Variants in EXD3 observed in about 807,000 individuals in gnomAD.
EXD3 encodes exonuclease mut-7 homolog.
A neutral mutation model predicts 98.0 loss-of-function variants in EXD3; 92 were observed. That is an observed-to-expected ratio of 0.94 (90% CI 0.79 to 1.12). The LOEUF is 1.12. EXD3 is among the 50% of genes most tolerant of loss of function. EXD3 has a pLI of 0.00. For synonymous variants in EXD3, 569 were observed against 526.0 expected (o/e 1.08, Z -1.12); for missense variants, 1,222 against 1,191.6 (o/e 1.03, Z -0.38).
chr9:137,351,357 C>T lies in EXD3; in HGVS notation c.1345G>A (p.Val449Met), dbSNP rs562865667. Reference sequence around the variant, plus strand: ...GAGGGGTCCGAGAGGAGCTGGGCCACCAGCCGGGAAAAGGCCTGGGCTCCC... The same window carrying T: ...GAGGGGTCCGAGAGGAGCTGGGCCATCAGCCGGGAAAAGGCCTGGGCTCCC... ...GQGAQAFSRL[V>M]AQLLSDPSIT... The change falls in exon 13 of 22, where the codon GTG (valine) becomes ATG (methionine). Residue 449 changes from valine (V) to methionine (M), a missense_variant. Val to Met is a conservative substitution (Grantham distance 21). Transcript: ENST00000340951. 1.2e-6 allele frequency: 2 copies of T among 1,611,986 alleles called. No homozygotes were observed. Among genetic ancestry groups the T allele is most frequent in the African/African-American group, 2.7e-5 (2 of 75,048 alleles).
At chr9:137,351,583 AC>A in intron 12 of EXD3, 55 bp from the exon 13 acceptor site, 1 of 1,509,024 alleles carries the variant, frequency 6.6e-7, no homozygotes, top group Non-Finnish European at 9.0e-7. Context: ...CTCTGCAGGG[AC>A]CACAGCCTGG....
intron 6 of EXD3, 79 bp downstream of exon 6, chr9:137,367,857 C>A: frequency 7.0e-7 from 1 of 1,425,812 alleles, no homozygotes; most frequent in South Asian, 1.2e-5. Context: ...GACTCCCGAC[C>A]TCCAACAAAC....
At position 137,405,147 on chromosome 9, in the gene EXD3, GT is replaced by G. The variant is rs1183568933; in HGVS notation, c.-47-9744del. 6.6e-6 allele frequency among the ~76,000 whole-genome samples: 1 copy of G among 152,204 alleles called. No homozygotes were observed. The highest frequency in any genetic ancestry group is 1.5e-5 in the Non-Finnish European group (1 of 68,018). The stretch of plus-strand genomic sequence containing the variant: ...AAATTCCCAGGGCCTCTGCCAGCGG[GT>G]GTCCAAAGACCCTACTTGGGAGCCC... On this transcript the variant is annotated intron_variant, in intron 1 of 21. Coordinates refer to ENST00000340951, the MANE Select transcript of EXD3 (RefSeq NM_017820.5). This position sits in a 1 kb window ranked among gnomAD's most constrained non-coding sequence, Gnocchi z 4.1.
At chr9:137,418,829 TC>T (rs1252778568) in intron 1 of EXD3, among the ~76,000 whole-genome samples, 1 of 152,074 alleles carries the variant, frequency 6.6e-6, no homozygotes, top group Non-Finnish European at 1.5e-5. Context: ...CTTTAGTAGG[TC>T]TATTGATTGC....
intron 3 of EXD3, among the ~76,000 whole-genome samples, chr9:137,375,323 C>T (rs1240903438): frequency 6.6e-6 from 1 of 152,148 alleles, no homozygotes; most frequent in African/African-American, 2.4e-5. Flanking sequence ...CTAGTTTTAA[C>T]CCTAGTGAGT....
Position 137,407,291 on chromosome 9 carries a change from C to A in EXD3, c.-47-11887G>T, listed in dbSNP as rs536575313. Reference sequence around the variant, plus strand: ...GGCCAGCGCTGCAGGCAGAGCCCAGCCCGGCGGCCGCGGCGAACACGGGGC... The same window carrying A: ...GGCCAGCGCTGCAGGCAGAGCCCAGACCGGCGGCCGCGGCGAACACGGGGC... On this transcript the variant is annotated intron_variant, in intron 1 of 21. Transcript: ENST00000340951. This position sits in a 1 kb window ranked among gnomAD's most constrained non-coding sequence, Gnocchi z 4.4. Among the ~76,000 whole-genome samples the A allele has an allele frequency of 1.1e-4, 17 of 152,328 alleles. No individual in the cohort carries two copies. Among genetic ancestry groups the A allele is most frequent in the Non-Finnish European group, 1.9e-4 (13 of 68,016 alleles).
At chr9:137,380,076 C>T (rs1029666363) in intron 3 of EXD3, among the ~76,000 whole-genome samples, 6 of 151,974 alleles carry the variant, frequency 3.9e-5, no homozygotes, top group Admixed American at 1.3e-4. Context: ...CCTCAATGAA[C>T]GTGCCAAGAC....
At chr9:137,377,314 T>C (rs1835959542) in intron 3 of EXD3, 1 of 151,752 alleles carries the variant, frequency 6.6e-6, no homozygotes, top group Non-Finnish European at 1.5e-5. Context: ...GCCAGCATAG[T>C]GGAGCCTGTA....
rs1371076152 is a variant in EXD3 at position 137,329,456 on chromosome 9, T to TACACAGGGTC, written c.1999-5314_1999-5313insGACCCTGTGT. Among the ~76,000 whole-genome samples, 14 of 6,752 alleles carry TACACAGGGTC rather than the reference T, an allele frequency of 2.1e-3. 6 individuals are homozygous for TACACAGGGTC. The highest frequency in any genetic ancestry group is 3.9e-3 in the Admixed American group (2 of 508). The allele number at this position is 6,752 out of a possible 152,430, so 4.4% of individuals were successfully genotyped here. A position where few individuals can be genotyped will look rare whatever the true frequency, so the allele number is the denominator to read the frequency against. On this transcript the variant is annotated intron_variant, in intron 17 of 21. Coordinates refer to ENST00000340951, the MANE Select transcript of EXD3 (RefSeq NM_017820.5). ...GAGCTACACGGGAGCTACACGGGGC[T>TACACAGGGTC]ACACGGGAGCTACACGGGAGCTACA...
intron 17 of EXD3, among the ~76,000 whole-genome samples, chr9:137,327,492 G>A (rs752394292): frequency 1.3e-5 from 2 of 152,068 alleles, no homozygotes; most frequent in Non-Finnish European, 2.9e-5. Flanking sequence ...ATGGATATGT[G>A]ATACAGTGAA....
chr9:137,331,886 C>A, intron 17 of EXD3, among the ~76,000 whole-genome samples: 1 of 151,748 alleles, frequency 6.6e-6, no homozygotes, highest in Admixed American at 6.6e-5. Flanking sequence ...ACTGCACTCC[C>A]GCCTGGGCAA....
chr9:137,368,036 AGGCAGCAC>A (rs1463350337), intron 5 of EXD3, 47 bp from the exon 6 acceptor site: 1 of 1,541,110 alleles, frequency 6.5e-7, no homozygotes. Context: ...GGGAGGGGCC[AGGCAGCAC>A]GGCGGGTGAG....
chr9:137,328,045 A>C (rs62586818), intron 17 of EXD3, among the ~76,000 whole-genome samples: 2 of 6,792 alleles, frequency 2.9e-4, no homozygotes, highest in Non-Finnish European at 7.5e-4. Context: ...ACAACGAATA[A>C]ACACCCACAT....
intron 17 of EXD3, among the ~76,000 whole-genome samples, chr9:137,328,068 CAACT>C (rs1832565791): frequency 4.8e-5 from 7 of 144,588 alleles, no homozygotes; most frequent in Admixed American, 2.8e-4. Flanking sequence ...TGAGTAAAAA[CAACT>C]AACATACTCC....
rs754113483 is a variant in EXD3, at chr9:137,395,265, G to A, written c.55+38C>T. On this transcript the variant is annotated intron_variant, in intron 2 of 21. Transcript: ENST00000340951. The surrounding 1 kb of genome is among the most constrained non-coding windows in gnomAD (Gnocchi z 6.5). Reference sequence around the variant, plus strand: ...GCACACCCACGCACCTCCCCCCACAGCCCCAGGGAGACTCGGCACCATCAG... The same window carrying A: ...GCACACCCACGCACCTCCCCCCACAACCCCAGGGAGACTCGGCACCATCAG... 1.4e-5 allele frequency: 21 copies of A among 1,527,656 alleles called. No homozygotes were observed. Among genetic ancestry groups the A allele is most frequent in the Non-Finnish European group, 1.9e-5 (21 of 1,102,420 alleles). 94.6% of individuals were successfully genotyped at this position (1,527,656 alleles called of 1,614,324 possible).
intron 2 of EXD3, among the ~76,000 whole-genome samples, chr9:137,383,888 C>T (rs1351764718): frequency 6.6e-6 from 1 of 152,232 alleles, no homozygotes; most frequent in Non-Finnish European, 1.5e-5. Context: ...GCAAAAGTGC[C>T]AACCAAAGAC....
At chr9:137,364,309 G>A (rs373034516) in intron 7 of EXD3, among the ~76,000 whole-genome samples, 1 of 152,078 alleles carries the variant, frequency 6.6e-6, no homozygotes. Context: ...AGAGCACAGA[G>A]CTAGGAAAAA....
chr9:137,411,328 G>A (rs2131824417), intron 1 of EXD3, among the ~76,000 whole-genome samples: 1 of 152,252 alleles, frequency 6.6e-6, no homozygotes, highest in South Asian at 2.1e-4. Flanking sequence ...CCGAGCCCTG[G>A]GCATGGGGCT....
At chr9:137,361,720 TG>T (rs1391891394) in intron 7 of EXD3, among the ~76,000 whole-genome samples, 1 of 138,368 alleles carries the variant, frequency 7.2e-6, no homozygotes, top group African/African-American at 2.7e-5. Flanking sequence ...CACTCTAGCC[TG>T]GGCGACAGGG....
Sources: allele counts gnomAD v4.1 joint callset (sites outside exome capture counted in the v4.1 genomes callset), GRCh38; gene constraint gnomAD v4.1.1; non-coding constraint Gnocchi (gnomAD v3.1); transcripts MANE v1.5; gene names NCBI Gene and HGNC (gene_info 2026-07-23, HGNC 2026-07-21).